Variants in TYW1B observed in about 807,000 individuals in gnomAD.
TYW1B encodes tRNA-yW synthesizing protein 1 homolog B.
A neutral mutation model predicts 86.9 loss-of-function variants in TYW1B; 73 were observed. The ratio of observed to expected loss-of-function variants is 0.84; its 90% CI spans 0.70 to 1.02. The LOEUF is 1.02. TYW1B is among the 50% of genes least tolerant of loss of function. The pLI, the probability that TYW1B is intolerant of heterozygous loss-of-function variation, is 0.00. For synonymous variants in TYW1B, 248 were observed against 292.8 expected (o/e 0.85, Z 1.56); for missense variants, 637 against 827.4 (o/e 0.77, Z 2.82).
At chr7:72,634,088 G>T (rs114681651) in intron 11 of TYW1B, among the ~76,000 whole-genome samples, 1,908 of 152,120 alleles carry the variant, frequency 0.013, 42 homozygotes, top group African/African-American at 0.041. Context: ...CACTACTAGC[G>T]AACGATTTTA....
At chr7:72,752,732 A>AAAACAAACAAACAAAC (rs143294618) in intron 7 of TYW1B, among the ~76,000 whole-genome samples, 118 of 150,778 alleles carry the variant, frequency 7.8e-4, no homozygotes, top group Non-Finnish European at 1.3e-3. Flanking sequence ...CTCCGTCTCA[A>AAAACAAACAAACAAAC]AAACAAACAA....
chr7:72,582,343 T>C (rs1811175362), intron 13 of TYW1B, among the ~76,000 whole-genome samples: 1 of 152,070 alleles, frequency 6.6e-6, no homozygotes, highest in African/African-American at 2.4e-5. Context: ...GAGAAAAACA[T>C]GGTCATACAC....
chr7:72,616,527 T>C, intron 13 of TYW1B, 145 bp downstream of exon 13: 1 of 1,273,340 alleles, frequency 7.9e-7, no homozygotes, highest in Admixed American at 2.4e-5. Context: ...CAGACAGAAT[T>C]TAGTGCTTTC....
At chr7:72,605,797 C>T (rs1811780882) in intron 13 of TYW1B, among the ~76,000 whole-genome samples, 1 of 152,124 alleles carries the variant, frequency 6.6e-6, no homozygotes, top group African/African-American at 2.4e-5. Flanking sequence ...GCAACAGCAG[C>T]CATACAACCT....
intron 11 of TYW1B, among the ~76,000 whole-genome samples, chr7:72,665,357 C>A (rs1269565083): frequency 6.6e-6 from 1 of 152,204 alleles, no homozygotes; most frequent in Non-Finnish European, 1.5e-5. Context: ...AGACAGGAAT[C>A]TGAGTCTCTG....
In TYW1B at chr7:72,753,109, T is replaced by C. The variant is rs1787528525; in HGVS notation, c.965-8508A>G. ...GTATTTCAGAGTAACTAAATATTCT[T>C]GGTTGATTAAAAAAAAAAAGAAAGA... On this transcript the variant is annotated intron_variant, in intron 7 of 13. Transcript: ENST00000620995. Among the ~76,000 whole-genome samples, 3 of 152,040 alleles carry C rather than the reference T, an allele frequency of 2.0e-5. No individual in the cohort carries two copies. The South Asian group carries it at 6.2e-4, about 32-fold the overall frequency.
intron 11 of TYW1B, among the ~76,000 whole-genome samples, chr7:72,648,092 T>A (rs1280076725): frequency 2.6e-5 from 4 of 152,036 alleles, no homozygotes; most frequent in Admixed American, 2.6e-4. Context: ...ACCAAAAAAA[T>A]TAAGGTTTAG....
intron 11 of TYW1B, among the ~76,000 whole-genome samples, chr7:72,686,550 G>A (rs1251021934): frequency 6.6e-6 from 1 of 152,146 alleles, no homozygotes; most frequent in Non-Finnish European, 1.5e-5. Context: ...CCAGGGATGA[G>A]GGAGGGAGAG....
At chr7:72,621,530 G>C (rs1812215423) in intron 12 of TYW1B, among the ~76,000 whole-genome samples, 1 of 152,148 alleles carries the variant, frequency 6.6e-6, no homozygotes, top group Admixed American at 6.6e-5. Flanking sequence ...GTCTGCACCT[G>C]GCTAAACCGA....
At chr7:72,789,425 C>G (rs151010092) in intron 6 of TYW1B, among the ~76,000 whole-genome samples, 1,697 of 152,294 alleles carry the variant, frequency 0.011, 59 homozygotes, top group Admixed American at 0.072. Flanking sequence ...CATGAGCCAC[C>G]AAGCCCGGCC....
chr7:72,736,706 AG>A (rs1244318525), intron 8 of TYW1B, among the ~76,000 whole-genome samples: 1 of 152,216 alleles, frequency 6.6e-6, no homozygotes, highest in East Asian at 1.9e-4. Flanking sequence ...GGCAATGCAC[AG>A]AAATGCAATC....
intron 5 of TYW1B, among the ~76,000 whole-genome samples, chr7:72,805,398 G>A (rs1554476481): frequency 6.7e-6 from 1 of 150,324 alleles, no homozygotes; most frequent in Non-Finnish European, 1.5e-5. Context: ...GATCACTTGA[G>A]CCCAAGTGTT....
intron 13 of TYW1B, among the ~76,000 whole-genome samples, chr7:72,609,132 A>G (rs1811870843): frequency 6.6e-6 from 1 of 152,194 alleles, no homozygotes; most frequent in Non-Finnish European, 1.5e-5. Context: ...CTGTGAATCT[A>G]TAATTGTTTT....
In TYW1B at chr7:72,735,399, G is replaced by A. The variant is rs565668303; in HGVS notation, c.1083-6468C>T. ...AGCCTGGCCAACTTGGTGAAATCCC[G>A]TCTCTACTAAAAATATAAAAAATTA... On this transcript the variant is annotated intron_variant, in intron 8 of 13. Coordinates refer to ENST00000620995, the MANE Select transcript of TYW1B (RefSeq NM_001145440.3). Among the ~76,000 whole-genome samples the A allele has an allele frequency of 2.7e-3, 410 of 151,838 alleles. 1 individual carries two copies. Among genetic ancestry groups the A allele is most frequent in the African/African-American group, 8.9e-3 (369 of 41,400 alleles).
chr7:72,679,291 G>A lies in TYW1B; in HGVS notation c.1506+15396C>T, dbSNP rs535839942. Among the ~76,000 whole-genome samples the A allele has an allele frequency of 1.6e-4, 25 of 152,238 alleles. No individual in the cohort carries two copies. In the South Asian group the frequency reaches 2.9e-3, roughly 18 times the overall value. Reference sequence around the variant, plus strand: ...CAACTTCCAACCACAGGTTAGTTCCGAAAGAAATTATTGCACATGTGCACA... The same window carrying A: ...CAACTTCCAACCACAGGTTAGTTCCAAAAGAAATTATTGCACATGTGCACA... On this transcript the variant is annotated intron_variant, in intron 11 of 13. Transcript: ENST00000620995.
intron 2 of TYW1B, among the ~76,000 whole-genome samples, chr7:72,819,581 C>T (rs113057531): frequency 0.054 from 8,226 of 152,148 alleles, 273 homozygotes; most frequent in Non-Finnish European, 0.071. Context: ...TACAGGCACA[C>T]GCCACCATGC....
rs185033023 is a variant in TYW1B, at chr7:72,617,202, C to T, written c.1618-363G>A. Among the ~76,000 whole-genome samples, 1,027 of 152,222 alleles carry T rather than the reference C, an allele frequency of 6.7e-3. 4 individuals are homozygous for T. Among genetic ancestry groups the T allele is most frequent in the African/African-American group, 0.024 (1,001 of 41,524 alleles). On this transcript the variant is annotated intron_variant, in intron 12 of 13. Transcript: ENST00000620995. ...TGAGGAATTATGAAGGGGTTATCAC[C>T]CCTTAGGACAATAATGGGGGCATAG...
intron 13 of TYW1B, among the ~76,000 whole-genome samples, chr7:72,610,194 C>T (rs1331272180): frequency 6.6e-6 from 1 of 152,134 alleles, no homozygotes; most frequent in African/African-American, 2.4e-5. Flanking sequence ...AGTTGGAAAC[C>T]TCCACGTTAG....
At chr7:72,750,604 T>C (rs1327516198) in intron 7 of TYW1B, among the ~76,000 whole-genome samples, 5 of 152,174 alleles carry the variant, frequency 3.3e-5, no homozygotes, top group Non-Finnish European at 7.3e-5. Context: ...GTTGATGTCT[T>C]TCATCAAATT....
Sources: gnomAD v4.1 joint callset for allele counts (sites outside exome capture counted in the v4.1 genomes callset) on GRCh38, gnomAD v4.1.1 for gene constraint, MANE v1.5 for transcripts, NCBI Gene and HGNC (gene_info 2026-07-23, HGNC 2026-07-21) for gene names.